Variants in PON2 observed in about 807,000 individuals in gnomAD.
PON2 encodes the protein paraoxonase 2, also known as serum paraoxonase/arylesterase 2.
Under a neutral mutation model 36.6 loss-of-function variants are expected in PON2, and 27 were observed. The observed-to-expected ratio is 0.74, with a 90% CI of 0.54 to 1.02. The LOEUF (loss-of-function observed/expected upper bound fraction) is 1.02. Ranked by LOEUF, PON2 falls within the 50% of genes least tolerant of loss-of-function variation. The probability of loss-of-function intolerance (pLI) is 0.00; values close to 1 mark genes in which losing one functional copy is unlikely to be tolerated. For synonymous variants in PON2, 149 were observed against 156.3 expected (o/e 0.95, Z 0.35); for missense variants, 363 against 421.1 (o/e 0.86, Z 1.21).
intron 7 of PON2, 106 bp downstream of exon 7, chr7:95,406,881 T>C: frequency 2.9e-6 from 2 of 681,522 alleles, no homozygotes; most frequent in South Asian, 3.9e-5. Context: ...CCAGAATAGC[T>C]ACACTGGCAT....
At chr7:95,423,798 G>A (rs1048688706) in intron 2 of PON2, among the ~76,000 whole-genome samples, 15 of 152,158 alleles carry the variant, frequency 9.9e-5, no homozygotes, top group Admixed American at 2.0e-4. Context: ...TCACTGTTCC[G>A]TGTGGTTGGG....
In PON2 at chr7:95,406,211, T is replaced by C. The variant is rs1483083537; in HGVS notation, c.814A>G (p.Ile272Val). ...ELDTLVDNLSIDPSSGDIWVG... is the reference protein window; with the variant it reads ...ELDTLVDNLSVDPSSGDIWVG... ...CAGATGTCCCCCGAGGAAGGATCAATAGATAAATTATCCACCAGTGTATCC... is the reference window on the plus strand; with the variant it reads ...CAGATGTCCCCCGAGGAAGGATCAACAGATAAATTATCCACCAGTGTATCC... Residue 272 changes from isoleucine to valine, a missense_variant, in exon 8 of 9, where the codon ATT becomes GTT. Physicochemically the swap from Ile to Val is conservative, Grantham distance 29 (BLOSUM62 3). Coordinates refer to ENST00000222572, the MANE Select transcript of PON2 (RefSeq NM_000305.3). 2 of 1,612,004 alleles carry C rather than the reference T, an allele frequency of 1.2e-6. No homozygotes were observed. Among genetic ancestry groups the C allele is most frequent in the Non-Finnish European group, 1.7e-6 (2 of 1,178,218 alleles).
At chr7:95,425,042 G>A (rs976989428) in intron 1 of PON2, among the ~76,000 whole-genome samples, 17 of 152,184 alleles carry the variant, frequency 1.1e-4, no homozygotes, top group Non-Finnish European at 1.9e-4. Context: ...ATTGCTCAGA[G>A]CCTGACACAC....
At position 95,406,209 on chromosome 7, in the gene PON2, A is replaced by G; in HGVS notation, c.816T>C (p.Ile272=). The part of the protein sequence containing the change: ...ELDTLVDNLS[I]DPSSGDIWVG... ...CCCAGATGTCCCCCGAGGAAGGATC[A>G]ATAGATAAATTATCCACCAGTGTAT... Residue 272 remains isoleucine (I), a synonymous_variant, in exon 8 of 9, where the codon ATT becomes ATC. Coordinates refer to ENST00000222572, the MANE Select transcript of PON2 (RefSeq NM_000305.3). The G allele has an allele frequency of 1.2e-6, 2 of 1,612,274 alleles. No homozygotes were observed. The highest frequency in any genetic ancestry group is 1.7e-6 in the Non-Finnish European group (2 of 1,178,318).
chr7:95,405,086 G>A lies in PON2; in HGVS notation c.*244C>T. 2.2e-6 allele frequency: 1 copy of A among 456,160 alleles called. No homozygotes were observed. Among genetic ancestry groups the A allele is most frequent in the Non-Finnish European group, 4.0e-6 (1 of 248,352 alleles). 28.3% of individuals were successfully genotyped at this position (456,160 alleles called of 1,614,324 possible). On this transcript the variant is annotated 3_prime_UTR_variant, in exon 9 of 9. Coordinates refer to ENST00000222572, the MANE Select transcript of PON2 (RefSeq NM_000305.3). ...AGGTGAGGCTTACTTTGTGCAAAAT[G>A]TATTCACTTTATTCGAAAGCAGCTT...
rs889682911 is a variant in PON2, at chr7:95,434,939, C to A, written c.13G>T (p.Val5Leu). The change falls in exon 1 of 9, where the codon GTG (valine) becomes TTG (leucine). Residue 5 changes from valine (V) to leucine (L), a missense_variant. By Grantham distance (32) the Val-to-Leu change is conservative (BLOSUM62 1). Coordinates refer to ENST00000222572, the MANE Select transcript of PON2 (RefSeq NM_000305.3). MGRL[V>L]AVGLLGIALA... ...GCGATCCCCAGCAAGCCCACAGCCACCAGCCGCCCCATGGCGCGGGAGCCG... is the reference window on the plus strand; with the variant it reads ...GCGATCCCCAGCAAGCCCACAGCCAACAGCCGCCCCATGGCGCGGGAGCCG... 1.3e-6 allele frequency: 2 copies of A among 1,530,790 alleles called. No individual in the cohort carries two copies. Among genetic ancestry groups the A allele is most frequent in the African/African-American group, 1.4e-5 (1 of 70,782 alleles). 94.8% of individuals were successfully genotyped at this position (1,530,790 alleles called of 1,614,324 possible).
At chr7:95,405,738 T>C (rs1030381615) in intron 8 of PON2, among the ~76,000 whole-genome samples, 2 of 152,238 alleles carry the variant, frequency 1.3e-5, no homozygotes, top group African/African-American at 4.8e-5. Context: ...TCAGCTTTAA[T>C]AGAAATACTT....
chr7:95,406,978 ATAT>A lies in PON2; in HGVS notation c.777+6_777+8del. ...GATTACTGTCTATATGTAAAAATAA[ATAT>A]TTTACCTTCAACTGAGTTAAATTCA... On this transcript the variant is annotated splice_donor_region_variant and intron_variant, in intron 7 of 8. Transcript: ENST00000222572. The A allele has an allele frequency of 6.9e-7, 1 of 1,459,476 alleles. No individual in the cohort carries two copies. Among genetic ancestry groups the A allele is most frequent in the Non-Finnish European group, 9.6e-7 (1 of 1,045,362 alleles). The allele number at this position is 1,459,476 out of a possible 1,614,324, so 90.4% of individuals were successfully genotyped here.
At chr7:95,426,299 G>A (rs1484455324) in intron 1 of PON2, among the ~76,000 whole-genome samples, 1 of 152,098 alleles carries the variant, frequency 6.6e-6, no homozygotes, top group Non-Finnish European at 1.5e-5. Context: ...AGCCTAATGT[G>A]GTAGTAATCT....
At chr7:95,422,185 C>G (rs926225266) in intron 2 of PON2, among the ~76,000 whole-genome samples, 10 of 152,024 alleles carry the variant, frequency 6.6e-5, no homozygotes, top group African/African-American at 2.4e-4. Flanking sequence ...TTAAAAAGAA[C>G]AAAGTAACTA....
chr7:95,419,412 T>C (rs1248968302), intron 2 of PON2, among the ~76,000 whole-genome samples: 1 of 152,110 alleles, frequency 6.6e-6, no homozygotes, highest in Non-Finnish European at 1.5e-5. Flanking sequence ...AAAAAACACA[T>C]GAATGGCACA....
At chr7:95,423,696 T>C (rs774596243) in intron 2 of PON2, among the ~76,000 whole-genome samples, 14 of 152,180 alleles carry the variant, frequency 9.2e-5, no homozygotes, top group Non-Finnish European at 2.1e-4. Context: ...CAATACATAT[T>C]GTGAAGTGCC....
intron 2 of PON2, among the ~76,000 whole-genome samples, chr7:95,417,015 A>G (rs1026559362): frequency 6.6e-6 from 1 of 152,212 alleles, no homozygotes; most frequent in African/African-American, 2.4e-5. Context: ...GACTTTCCCC[A>G]GCAGTCTCAC....
chr7:95,424,423 C>G (rs761077545), intron 2 of PON2, 92 bp downstream of exon 2: 13 of 1,020,218 alleles, frequency 1.3e-5, no homozygotes, highest in Non-Finnish European at 2.0e-5. Context: ...CACTGAAAAG[C>G]AGTAATTTCA....
At chr7:95,430,594 C>T (rs963357490) in intron 1 of PON2, among the ~76,000 whole-genome samples, 30 of 151,722 alleles carry the variant, frequency 2.0e-4, no homozygotes, top group African/African-American at 5.6e-4. Context: ...CCACCGTGCC[C>T]GGCCATGTTT....
chr7:95,426,469 A>T (rs1789319990), intron 1 of PON2, among the ~76,000 whole-genome samples: 1 of 152,238 alleles, frequency 6.6e-6, no homozygotes, highest in Non-Finnish European at 1.5e-5. Context: ...ATTCCAGTTT[A>T]AAAGATGAGA....
chr7:95,411,423 A>G (rs1426517845), intron 5 of PON2, among the ~76,000 whole-genome samples: 1 of 152,072 alleles, frequency 6.6e-6, no homozygotes, highest in East Asian at 1.9e-4. Context: ...AGGAGTCCGC[A>G]TAGAACAGTG....
At chr7:95,425,342 A>G (rs1789292218) in intron 1 of PON2, among the ~76,000 whole-genome samples, 1 of 152,192 alleles carries the variant, frequency 6.6e-6, no homozygotes, top group South Asian at 2.1e-4. Flanking sequence ...GAAGGAAATA[A>G]TAAGAGAATG....
chr7:95,421,867 C>T (rs1054867667), intron 2 of PON2, among the ~76,000 whole-genome samples: 2 of 152,152 alleles, frequency 1.3e-5, no homozygotes, highest in Non-Finnish European at 2.9e-5. Context: ...CTGAAGGTGG[C>T]ACTGTCAACT....
Sources: allele counts gnomAD v4.1 joint callset (sites outside exome capture counted in the v4.1 genomes callset), GRCh38; gene constraint gnomAD v4.1.1; transcripts MANE v1.5; gene names NCBI Gene and HGNC (gene_info 2026-07-23, HGNC 2026-07-21).